PIEZO2: variants seen among roughly 807,000 people sequenced by gnomAD.
PIEZO2 encodes the protein piezo type mechanosensitive ion channel component 2, also known as piezo-type mechanosensitive ion channel component 2.
A neutral mutation model predicts 337.3 loss-of-function variants in PIEZO2; 172 were observed. The observed-to-expected ratio is 0.51, with a 90% CI of 0.45 to 0.58. The LOEUF is 0.58. Ranked by LOEUF, PIEZO2 falls within the 20% of genes least tolerant of loss-of-function variation. The pLI is 0.00. For missense variants in PIEZO2, 3,028 were observed against 3,391.3 expected, an observed-to-expected ratio of 0.89 and a Z score of 2.66; for synonymous variants, 1,251 against 1,228.5, an observed-to-expected ratio of 1.02 and a Z score of -0.38.
In PIEZO2 at chr18:11,149,515, C is replaced by T. The variant is rs867907286; in HGVS notation, c.-927G>A. On this transcript the variant is annotated 5_prime_UTR_variant, in exon 1 of 56. Transcript: ENST00000674853. This position sits in a 1 kb window ranked among gnomAD's most constrained non-coding sequence, Gnocchi z 8.7. The stretch of plus-strand genomic sequence containing the variant: ...ACCACCGCCTGCCGCCTTGCAGCCT[C>T]GCCCTCGCGGCGCAGCCGGGGCTCC... 3.9e-5 allele frequency among the ~76,000 whole-genome samples: 6 copies of T among 152,042 alleles called. No homozygotes were observed. The East Asian group carries it at 1.2e-3, about 30-fold the overall frequency.
rs2039256631 is a variant in PIEZO2, at chr18:11,096,112, T to C, written c.65-29890A>G. ...AGCTGTCCAAGTGAGGCTTCCATTC[T>C]CTAAGCCGGTCCACATGGAGCCCTC... On this transcript the variant is annotated intron_variant, in intron 1 of 55. Coordinates refer to ENST00000674853, the MANE Select transcript of PIEZO2 (RefSeq NM_001378183.1). The surrounding 1 kb of genome is among the most constrained non-coding windows in gnomAD (Gnocchi z 4.6). Among the ~76,000 whole-genome samples the C allele has an allele frequency of 6.6e-6, 1 of 152,226 alleles. No homozygotes were observed. Among genetic ancestry groups the C allele is most frequent in the Non-Finnish European group, 1.5e-5 (1 of 68,024 alleles).
At chr18:10,860,820 T>C (rs1381950558) in intron 5 of PIEZO2, among the ~76,000 whole-genome samples, 2 of 152,260 alleles carry the variant, frequency 1.3e-5, no homozygotes, top group Non-Finnish European at 2.9e-5. Flanking sequence ...TGTGAGGTTA[T>C]ACAAATGCAT....
At chr18:10,939,385 A>T (rs2032594776) in intron 3 of PIEZO2, among the ~76,000 whole-genome samples, 1 of 145,654 alleles carries the variant, frequency 6.9e-6, no homozygotes, top group East Asian at 2.0e-4. Context: ...TAGAACCAGA[A>T]ATACCATTTG....
chr18:10,807,067 T>C (rs1268700909), intron 8 of PIEZO2, 45 bp downstream of exon 8: 49 of 1,491,260 alleles, frequency 3.3e-5, no homozygotes, highest in Non-Finnish European at 4.0e-5. Context: ...GTGGAGATTC[T>C]AGGTTACTTT....
Position 11,102,207 on chromosome 18 carries a change from C to A in PIEZO2, c.65-35985G>T, listed in dbSNP as rs1276686324. Among the ~76,000 whole-genome samples, 1 of 152,120 alleles carries A rather than the reference C, an allele frequency of 6.6e-6. No homozygotes were observed. The highest frequency in any genetic ancestry group is 1.5e-5 in the Non-Finnish European group (1 of 68,028). On this transcript the variant is annotated intron_variant, in intron 1 of 55. Coordinates refer to ENST00000674853, the MANE Select transcript of PIEZO2 (RefSeq NM_001378183.1). This position sits in a 1 kb window ranked among gnomAD's most constrained non-coding sequence, Gnocchi z 5.7. Reference sequence around the variant, plus strand: ...TATGCAAGATGTGATTTTATTTTCACCTTATTCTAAATTAATGAGATAAAA... The same window carrying A: ...TATGCAAGATGTGATTTTATTTTCAACTTATTCTAAATTAATGAGATAAAA...
chr18:10,772,545 G>C (rs965749695), intron 20 of PIEZO2, among the ~76,000 whole-genome samples: 1 of 152,182 alleles, frequency 6.6e-6, no homozygotes, highest in Non-Finnish European at 1.5e-5. Flanking sequence ...AGTGGGGAAA[G>C]AACACCAGGT....
intron 4 of PIEZO2, among the ~76,000 whole-genome samples, chr18:10,885,972 T>C (rs1424664201): frequency 6.6e-6 from 1 of 151,906 alleles, no homozygotes; most frequent in Non-Finnish European, 1.5e-5. Flanking sequence ...GGAAACAAAA[T>C]GTCAAGTGCA....
chr18:10,835,630 G>A (rs529249091), intron 7 of PIEZO2, among the ~76,000 whole-genome samples: 29 of 150,856 alleles, frequency 1.9e-4, no homozygotes, highest in African/African-American at 6.6e-4. Flanking sequence ...TGCTGCCTCT[G>A]TCTCCTGTGT....
At chr18:10,702,201 A>G (rs2035370827) in intron 42 of PIEZO2, 30 bp from the exon 43 acceptor site, 3 of 1,522,930 alleles carry the variant, frequency 2.0e-6, no homozygotes, top group Non-Finnish European at 1.8e-6. Flanking sequence ...ATTTTAAAAC[A>G]TTACTCCTTT....
At chr18:10,839,434 T>C (rs1463005453) in intron 7 of PIEZO2, among the ~76,000 whole-genome samples, 2 of 152,234 alleles carry the variant, frequency 1.3e-5, no homozygotes, top group Non-Finnish European at 2.9e-5. Context: ...CAAAGAGCAC[T>C]GCACTCTAGA....
chr18:10,907,258 C>T (rs1444164206), intron 4 of PIEZO2, among the ~76,000 whole-genome samples: 2 of 151,942 alleles, frequency 1.3e-5, no homozygotes, highest in South Asian at 2.1e-4. Context: ...GCCTGGCCAA[C>T]ACGGTGAAAC....
intron 2 of PIEZO2, among the ~76,000 whole-genome samples, chr18:10,983,155 C>T (rs1010341445): frequency 3.3e-5 from 5 of 152,106 alleles, no homozygotes; most frequent in African/African-American, 1.2e-4. Flanking sequence ...GCCAACTCTA[C>T]AAATTGAGAG....
In PIEZO2 at chr18:11,148,181, G is replaced by A. The variant is rs2040856293; in HGVS notation, c.64+344C>T. 6.6e-6 allele frequency among the ~76,000 whole-genome samples: 1 copy of A among 152,160 alleles called. No individual in the cohort carries two copies. Among genetic ancestry groups the A allele is most frequent in the Non-Finnish European group, 1.5e-5 (1 of 68,038 alleles). ...GAGGGGCTCAGGTAGGAGCCTGACT[G>A]TACCTACGATGGGGACGCATCCGCC... On this transcript the variant is annotated intron_variant, in intron 1 of 55. Coordinates refer to ENST00000674853, the MANE Select transcript of PIEZO2 (RefSeq NM_001378183.1). The surrounding 1 kb of genome is among the most constrained non-coding windows in gnomAD (Gnocchi z 5.2).
chr18:10,690,753 T>G (rs1181729695), intron 48 of PIEZO2, among the ~76,000 whole-genome samples: 2 of 152,194 alleles, frequency 1.3e-5, no homozygotes, highest in African/African-American at 2.4e-5. Flanking sequence ...GTAGTTAACT[T>G]GCTACGTGGG....
At position 10,850,139 on chromosome 18, in the gene PIEZO2, T is replaced by A. The variant is rs905400439; in HGVS notation, c.917+5214A>T. Among the ~76,000 whole-genome samples the A allele has an allele frequency of 6.6e-6, 1 of 152,174 alleles. No individual in the cohort carries two copies. Among genetic ancestry groups the A allele is most frequent in the African/African-American group, 2.4e-5 (1 of 41,438 alleles). On this transcript the variant is annotated intron_variant, in intron 7 of 55. Transcript: ENST00000674853. The surrounding 1 kb of genome is among the most constrained non-coding windows in gnomAD (Gnocchi z 4.5). ...TATGCTCGTGCCACACCTGTGTGCA[T>A]AAACGGAAGGGAATCACTAATTCTC... is the stretch of plus-strand genomic sequence containing the variant.
At position 11,063,230 on chromosome 18, in the gene PIEZO2, A is replaced by G. The variant is rs372299968; in HGVS notation, c.160+2897T>C. On this transcript the variant is annotated intron_variant, in intron 2 of 55. Transcript: ENST00000674853. ...CTCACTCATAGGTGGGAATTGAACA[A>G]TGAGAACACATGGACATAGGAAGGG... Among the ~76,000 whole-genome samples, 3 of 144,254 alleles carry G rather than the reference A, an allele frequency of 2.1e-5. No individual in the cohort carries two copies. The South Asian group carries it at 6.7e-4, about 32-fold the overall frequency. 94.6% of individuals were successfully genotyped at this position (144,254 alleles called of 152,430 possible). A position where few individuals can be genotyped will look rare whatever the true frequency, so the allele number is the denominator to read the frequency against.
chr18:10,948,242 C>T (rs540524396), intron 3 of PIEZO2, among the ~76,000 whole-genome samples: 103 of 152,110 alleles, frequency 6.8e-4, no homozygotes, highest in African/African-American at 2.4e-3. Flanking sequence ...TACAATATTA[C>T]ATTAAAATTA....
rs1441752560 is a variant in PIEZO2 at position 11,101,644 on chromosome 18, A to G, written c.65-35422T>C. Among the ~76,000 whole-genome samples the G allele has an allele frequency of 6.6e-6, 1 of 152,222 alleles. No homozygotes were observed. The highest frequency in any genetic ancestry group is 2.4e-5 in the African/African-American group (1 of 41,466). On this transcript the variant is annotated intron_variant, in intron 1 of 55. Transcript: ENST00000674853. This position sits in a 1 kb window ranked among gnomAD's most constrained non-coding sequence, Gnocchi z 4.4. ...GACATTCTATTTCTCAAACCTGTCAATTTGAAAAACCGATGACTATGTTCA... is the reference window on the plus strand; with the variant it reads ...GACATTCTATTTCTCAAACCTGTCAGTTTGAAAAACCGATGACTATGTTCA...
At position 11,148,254 on chromosome 18, in the gene PIEZO2, C is replaced by T. The variant is rs545131142; in HGVS notation, c.64+271G>A. Among the ~76,000 whole-genome samples the T allele has an allele frequency of 6.6e-6, 1 of 152,288 alleles. No individual in the cohort carries two copies. Among genetic ancestry groups the T allele is most frequent in the African/African-American group, 2.4e-5 (1 of 41,574 alleles). ...CCTTAGTACACAAGTCAGTACTCCA[C>T]GAAAGAAAATCCACGTGTAACTAAA... is the stretch of plus-strand genomic sequence containing the variant. On this transcript the variant is annotated intron_variant, in intron 1 of 55. Coordinates refer to ENST00000674853, the MANE Select transcript of PIEZO2 (RefSeq NM_001378183.1). The surrounding 1 kb of genome is among the most constrained non-coding windows in gnomAD (Gnocchi z 5.2).
Sources: gnomAD v4.1 joint callset for allele counts (sites outside exome capture counted in the v4.1 genomes callset) on GRCh38, gnomAD v4.1.1 for gene constraint, Gnocchi (gnomAD v3.1) non-coding constraint, MANE v1.5 for transcripts, NCBI Gene and HGNC (gene_info 2026-07-23, HGNC 2026-07-21) for gene names.